Variants in PACRG observed in about 807,000 individuals in gnomAD.
PACRG encodes the protein parkin coregulated.
In PACRG, 29 loss-of-function variants were observed where a neutral mutation model predicts 29.7. That is an observed-to-expected ratio of 0.98 (90% CI 0.73 to 1.33). The LOEUF is 1.33. Ranked by LOEUF, PACRG falls within the 40% of genes most tolerant of loss-of-function variation. PACRG has a pLI of 0.00. For missense variants in PACRG, 279 were observed against 316.2 expected (o/e 0.88, Z 0.89); for synonymous variants, 116 against 118.7 (o/e 0.98, Z 0.15).
intron 4 of PACRG, among the ~76,000 whole-genome samples, chr6:163,249,757 C>T (rs1281719038): frequency 1.3e-5 from 2 of 152,198 alleles, no homozygotes; most frequent in Admixed American, 6.5e-5. Context: ...GATGACAGGG[C>T]ACCCGGCTCC....
intron 4 of PACRG, among the ~76,000 whole-genome samples, chr6:163,301,376 A>C (rs1784996295): frequency 6.6e-6 from 1 of 152,220 alleles, no homozygotes; most frequent in Admixed American, 6.5e-5. Context: ...GGAAAACGGA[A>C]CGATTAAGTG....
At chr6:162,935,597 A>T (rs1381701985) in intron 2 of PACRG, among the ~76,000 whole-genome samples, 1 of 151,698 alleles carries the variant, frequency 6.6e-6, no homozygotes, top group South Asian at 2.1e-4. Flanking sequence ...TTGGATAATG[A>T]ATTATTTTCC....
At chr6:163,038,624 G>A (rs1808416581) in intron 2 of PACRG, among the ~76,000 whole-genome samples, 2 of 152,168 alleles carry the variant, frequency 1.3e-5, no homozygotes, top group African/African-American at 4.8e-5. Context: ...TCTGTCTCAT[G>A]AATTGGTATG....
chr6:163,060,397 T>C (rs1008816037), intron 2 of PACRG, among the ~76,000 whole-genome samples: 34 of 152,242 alleles, frequency 2.2e-4, no homozygotes, highest in African/African-American at 7.7e-4. Flanking sequence ...AAATAATTAT[T>C]TCAAATTGTA....
chr6:162,958,991 C>T (rs1584874127), intron 2 of PACRG, among the ~76,000 whole-genome samples: 1 of 149,054 alleles, frequency 6.7e-6, no homozygotes, highest in South Asian at 2.1e-4. Context: ...GATCATGGCT[C>T]CCTGAATCCT....
chr6:163,200,545 A>G (rs554358571), intron 4 of PACRG, among the ~76,000 whole-genome samples: 1 of 152,298 alleles, frequency 6.6e-6, no homozygotes, highest in South Asian at 2.1e-4. Context: ...ACGCACAGCC[A>G]TGAGTGGGAG....
chr6:162,864,003 T>C (rs1429749252), intron 2 of PACRG, among the ~76,000 whole-genome samples: 1 of 152,178 alleles, frequency 6.6e-6, no homozygotes, highest in African/African-American at 2.4e-5. Context: ...GCATCTGTTT[T>C]CTCTATGGAG....
intron 1 of PACRG, among the ~76,000 whole-genome samples, chr6:162,765,991 A>G (rs1318478124): frequency 6.6e-6 from 1 of 152,200 alleles, no homozygotes. Context: ...GTCATGTGTC[A>G]AGATATGTGG....
chr6:162,838,628 C>T (rs1262470710), intron 2 of PACRG, among the ~76,000 whole-genome samples: 1 of 151,938 alleles, frequency 6.6e-6, no homozygotes, highest in East Asian at 1.9e-4. Flanking sequence ...TTTTAGGGTA[C>T]ATGTGCACAT....
At chr6:163,183,951 C>T (rs573546034) in intron 4 of PACRG, among the ~76,000 whole-genome samples, 2 of 152,318 alleles carry the variant, frequency 1.3e-5, no homozygotes, top group South Asian at 4.1e-4. Context: ...GGAAGCTCAT[C>T]ACTCTAATGG....
intron 1 of PACRG, among the ~76,000 whole-genome samples, chr6:162,801,571 TTTTA>T (rs1364146786): frequency 1.3e-5 from 2 of 152,208 alleles, no homozygotes; most frequent in African/African-American, 2.4e-5. Context: ...TAATTTTGGT[TTTTA>T]TTTATGTTCA....
intron 4 of PACRG, chr6:163,179,139 G>A (rs907883032): frequency 2.2e-6 from 1 of 451,230 alleles, no homozygotes; most frequent in Non-Finnish European, 4.5e-6. Context: ...CATGGACCGT[G>A]GTTTTATAGT....
At chr6:162,902,453 A>T (rs1041220527) in intron 2 of PACRG, among the ~76,000 whole-genome samples, 18 of 152,340 alleles carry the variant, frequency 1.2e-4, no homozygotes, top group Admixed American at 9.2e-4. Flanking sequence ...AGTGCATAAC[A>T]TTCTACATTA....
At chr6:162,865,531 A>G (rs1283543808) in intron 2 of PACRG, among the ~76,000 whole-genome samples, 37 of 152,194 alleles carry the variant, frequency 2.4e-4, no homozygotes, top group Non-Finnish European at 1.5e-5. Flanking sequence ...AAGATTTTAA[A>G]AAGCTTAGAC....
intron 4 of PACRG, among the ~76,000 whole-genome samples, chr6:163,285,588 T>C (rs1784371707): frequency 6.6e-6 from 1 of 152,172 alleles, no homozygotes; most frequent in Non-Finnish European, 1.5e-5. Flanking sequence ...CCGGAGATAT[T>C]TGCCAGAGAA....
intron 4 of PACRG, among the ~76,000 whole-genome samples, chr6:163,305,909 G>A (rs1785183516): frequency 6.6e-6 from 1 of 152,164 alleles, no homozygotes; most frequent in South Asian, 2.1e-4. Context: ...TCTTCTGTAG[G>A]TAGCAAATGT....
At chr6:163,065,427 TC>T (rs1363518977) in intron 3 of PACRG, among the ~76,000 whole-genome samples, 4 of 152,102 alleles carry the variant, frequency 2.6e-5, no homozygotes, top group Non-Finnish European at 5.9e-5. Context: ...GTGTCTGGAA[TC>T]TCCGCATACG....
Position 162,959,240 on chromosome 6 carries a change from G to A in PACRG, c.292-102910G>A, listed in dbSNP as rs549345659. Among the ~76,000 whole-genome samples the A allele has an allele frequency of 3.3e-5, 5 of 152,130 alleles. No individual in the cohort carries two copies. The South Asian group carries it at 1.0e-3, about 32-fold the overall frequency. ...GGCCAACACATGGATATTATAGCGG[G>A]TGTATTGGAAGACAATAATTGTTAA... On this transcript the variant is annotated intron_variant, in intron 2 of 4. Coordinates refer to ENST00000366888, the MANE Select transcript of PACRG (RefSeq NM_001080379.2).
At chr6:163,042,283 A>G (rs541259199) in intron 2 of PACRG, among the ~76,000 whole-genome samples, 3 of 152,318 alleles carry the variant, frequency 2.0e-5, no homozygotes, top group South Asian at 4.1e-4. Flanking sequence ...GGAATTGGTG[A>G]TGCTAGAAAT....
Sources: gnomAD v4.1 joint callset for allele counts (sites outside exome capture counted in the v4.1 genomes callset) on GRCh38, gnomAD v4.1.1 for gene constraint, MANE v1.5 for transcripts, NCBI Gene and HGNC (gene_info 2026-07-23, HGNC 2026-07-21) for gene names.